SEMA3A: variants seen among roughly 807,000 people sequenced by gnomAD.
The protein encoded by SEMA3A is semaphorin 3A.
In SEMA3A, 29 loss-of-function variants were observed where a neutral mutation model predicts 97.9. That is an observed-to-expected ratio of 0.30 (90% CI 0.22 to 0.40). The LOEUF is 0.40. Among genes scored for constraint, SEMA3A ranks in the 10% least tolerant of loss-of-function variants. The probability of loss-of-function intolerance (pLI) is 1.00; values close to 1 mark genes in which losing one functional copy is unlikely to be tolerated. For synonymous variants in SEMA3A, 321 were observed against 323.7 expected, an observed-to-expected ratio of 0.99 and a Z score of 0.09; for missense variants, 763 against 951.3, an observed-to-expected ratio of 0.80 and a Z score of 2.60.
chr7:84,348,139 A>C (rs1802347437), intron 2 of SEMA3A, among the ~76,000 whole-genome samples: 1 of 152,172 alleles, frequency 6.6e-6, no homozygotes, highest in Non-Finnish European at 1.5e-5. Context: ...AAGTCAATAA[A>C]AAATGCTGCT....
In SEMA3A at chr7:84,102,588, C is replaced by CT. The variant is rs3074757; in HGVS notation, c.453+7881dup. The stretch of plus-strand genomic sequence containing the variant: ...TACAGAGAAGGAGATTGCATTATCG[C>CT]TTTTTTTTTTTTTTTTTTTTTTTAA... On this transcript the variant is annotated intron_variant, in intron 4 of 16. Coordinates refer to ENST00000265362, the MANE Select transcript of SEMA3A (RefSeq NM_006080.3). 2.2e-3 allele frequency among the ~76,000 whole-genome samples: 217 copies of CT among 96,832 alleles called. 7 individuals carry two copies. Among genetic ancestry groups the CT allele is most frequent in the South Asian group, 8.6e-3 (22 of 2,550 alleles). 63.5% of individuals were successfully genotyped at this position (96,832 alleles called of 152,430 possible).
Position 84,110,555 on chromosome 7 carries a change from G to A in SEMA3A, c.368C>T (p.Ala123Val). ...GGCGTACAAGTGAGTCTGATTATAT[G>A]CCTTAAGTACCTTGATGAAATTAGC... is the stretch of plus-strand genomic sequence containing the variant. ...ECANFIKVLK[A>V]YNQTHLYACG... The change falls in exon 4 of 17, where the codon GCA becomes GTA. Residue 123 changes from alanine (A) to valine (V), a missense_variant. This residue lies in a region of SEMA3A where 678 missense variants were observed against 881.3 expected (regional missense o/e 0.77). Transcript: ENST00000265362. 2 of 1,613,948 alleles carry A rather than the reference G, an allele frequency of 1.2e-6. No individual in the cohort carries two copies. Among genetic ancestry groups the A allele is most frequent in the Admixed American group, 1.7e-5 (1 of 60,012 alleles).
At chr7:84,214,697 CTTT>C (rs754365106) in intron 3 of SEMA3A, among the ~76,000 whole-genome samples, 4 of 130,972 alleles carry the variant, frequency 3.1e-5, no homozygotes, top group Non-Finnish European at 1.6e-5. Flanking sequence ...TTAGAGCTTA[CTTT>C]TTTTTTTTTT....
At chr7:84,280,415 C>T (rs1800414147) in intron 3 of SEMA3A, among the ~76,000 whole-genome samples, 1 of 152,138 alleles carries the variant, frequency 6.6e-6, no homozygotes, top group Admixed American at 6.6e-5. Context: ...ACACCATGCT[C>T]ATATTGTGAA....
chr7:84,425,878 C>CACACACACA (rs543736541), intron 1 of SEMA3A, among the ~76,000 whole-genome samples: 19 of 45,778 alleles, frequency 4.2e-4, no homozygotes, highest in African/African-American at 3.0e-3. Context: ...ACACACACAC[C>CACACACACA]CACACACACA....
At chr7:83,964,806 T>A (rs927376916) in intron 15 of SEMA3A, among the ~76,000 whole-genome samples, 1 of 152,216 alleles carries the variant, frequency 6.6e-6, no homozygotes, top group Non-Finnish European at 1.5e-5. Flanking sequence ...TAAAAAAAAT[T>A]GGACATGCAT....
At chr7:84,348,367 C>T (rs923840095) in intron 2 of SEMA3A, among the ~76,000 whole-genome samples, 1 of 152,206 alleles carries the variant, frequency 6.6e-6, no homozygotes, top group African/African-American at 2.4e-5. Flanking sequence ...TGTAAACTCT[C>T]TTAGCATTAG....
At chr7:84,002,880 C>G (rs1790518386) in intron 11 of SEMA3A, among the ~76,000 whole-genome samples, 1 of 152,072 alleles carries the variant, frequency 6.6e-6, no homozygotes, top group Non-Finnish European at 1.5e-5. Flanking sequence ...AGAGTTGTCA[C>G]TCTTACTCTA....
intron 4 of SEMA3A, among the ~76,000 whole-genome samples, chr7:84,077,766 T>C (rs997841552): frequency 6.6e-6 from 1 of 152,036 alleles, no homozygotes; most frequent in Non-Finnish European, 1.5e-5. Flanking sequence ...TTTGGGAATT[T>C]GGAGGATCCT....
chr7:84,146,495 G>A (rs1173005119), intron 1 of SEMA3A, among the ~76,000 whole-genome samples: 6 of 152,136 alleles, frequency 3.9e-5, no homozygotes, highest in Middle Eastern at 6.8e-3. Context: ...ATTGATAGTA[G>A]CCTTTTGCAC....
chr7:84,402,230 G>T (rs980836952), intron 1 of SEMA3A, among the ~76,000 whole-genome samples: 2 of 152,192 alleles, frequency 1.3e-5, no homozygotes, highest in Non-Finnish European at 1.5e-5. Context: ...CGACACCACG[G>T]CTGGGTATAT....
chr7:84,388,405 G>A (rs373824425), intron 1 of SEMA3A, among the ~76,000 whole-genome samples: 57 of 151,882 alleles, frequency 3.8e-4, no homozygotes, highest in Non-Finnish European at 4.3e-4. Flanking sequence ...AATGCATACC[G>A]TTTTAAAGCA....
intron 1 of SEMA3A, among the ~76,000 whole-genome samples, chr7:84,431,421 T>C (rs1804977765): frequency 2.0e-5 from 3 of 152,012 alleles, no homozygotes; most frequent in Admixed American, 2.0e-4. Flanking sequence ...AAAGCTCTTC[T>C]TCTTTGAACC....
intron 6 of SEMA3A, among the ~76,000 whole-genome samples, chr7:84,016,961 T>C (rs1304323101): frequency 1.3e-5 from 2 of 152,142 alleles, no homozygotes; most frequent in Non-Finnish European, 2.9e-5. Flanking sequence ...CCCAAATTAG[T>C]GTAGTTGTTC....
intron 2 of SEMA3A, among the ~76,000 whole-genome samples, chr7:84,341,996 C>G (rs996018914): frequency 1.3e-5 from 2 of 152,122 alleles, no homozygotes; most frequent in Non-Finnish European, 2.9e-5. Flanking sequence ...CTCAGTGAAG[C>G]CTTTCCTAAA....
At chr7:84,256,968 T>C (rs1258650402) in intron 3 of SEMA3A, among the ~76,000 whole-genome samples, 1 of 152,008 alleles carries the variant, frequency 6.6e-6, no homozygotes, top group East Asian at 1.9e-4. Context: ...TGCTCTTCTT[T>C]TTTTTTCTCT....
At chr7:84,336,117 C>T (rs1225075961) in intron 2 of SEMA3A, among the ~76,000 whole-genome samples, 1 of 151,984 alleles carries the variant, frequency 6.6e-6, no homozygotes, top group African/African-American at 2.4e-5. Context: ...TCCTAGACAC[C>T]ATATTTAGAA....
At chr7:84,344,384 A>G (rs1802244216) in intron 2 of SEMA3A, among the ~76,000 whole-genome samples, 1 of 152,196 alleles carries the variant, frequency 6.6e-6, no homozygotes, top group Non-Finnish European at 1.5e-5. Context: ...AAGAGCAATT[A>G]ATAAGGTGAG....
At chr7:84,078,572 G>A (rs76727011) in intron 4 of SEMA3A, among the ~76,000 whole-genome samples, 19,132 of 151,868 alleles carry the variant, frequency 0.13, 1,271 homozygotes, top group South Asian at 0.15. Flanking sequence ...TTGCTCTCCT[G>A]TCTCATGGTG....
Sources: allele counts gnomAD v4.1 joint callset (sites outside exome capture counted in the v4.1 genomes callset), GRCh38; gene constraint gnomAD v4.1.1; regional missense constraint gnomAD v4.1.1; transcripts MANE v1.5; gene names NCBI Gene and HGNC (gene_info 2026-07-23, HGNC 2026-07-21).